Variants in MAD1L1 observed in about 807,000 individuals in gnomAD.
MAD1L1 encodes mitotic spindle assembly checkpoint protein MAD1.
MAD1L1 carries 95 observed loss-of-function variants against 96.9 expected under a neutral mutation model. The observed-to-expected ratio is 0.98, with a 90% CI of 0.83 to 1.16. MAD1L1 has a LOEUF of 1.16. Ranked by LOEUF, MAD1L1 falls within the 50% of genes most tolerant of loss-of-function variation. The pLI is 0.00. For missense variants in MAD1L1, 1,007 were observed against 954.4 expected, an observed-to-expected ratio of 1.06 and a Z score of -0.73; for synonymous variants, 473 against 396.6, an observed-to-expected ratio of 1.19 and a Z score of -2.29.
chr7:1,853,231 T>G (rs1251974184), intron 18 of MAD1L1, among the ~76,000 whole-genome samples: 2 of 152,186 alleles, frequency 1.3e-5, no homozygotes, highest in African/African-American at 4.8e-5. Flanking sequence ...CACTGCTGAC[T>G]GTGGGAACTT....
chr7:2,151,167 T>C (rs537448700), intron 10 of MAD1L1, among the ~76,000 whole-genome samples: 69 of 152,348 alleles, frequency 4.5e-4, no homozygotes, highest in African/African-American at 1.6e-3. Flanking sequence ...TCTGAAACAT[T>C]TGAATGAGAT....
chr7:2,155,165 G>A (rs530695573), intron 10 of MAD1L1, among the ~76,000 whole-genome samples: 2 of 152,300 alleles, frequency 1.3e-5, no homozygotes, highest in Admixed American at 6.5e-5. Context: ...ACGAGGCTAA[G>A]AGAGCGAGCA....
At chr7:1,953,366 G>A (rs889750452) in intron 16 of MAD1L1, among the ~76,000 whole-genome samples, 1 of 152,160 alleles carries the variant, frequency 6.6e-6, no homozygotes, top group African/African-American at 2.4e-5. Context: ...ATTGAGGTTG[G>A]CCCCGGCCAC....
Position 2,226,986 on chromosome 7 carries a change from CA to C in MAD1L1, c.151-1437del, listed in dbSNP as rs34846451. On this transcript the variant is annotated intron_variant, in intron 3 of 18. Transcript: ENST00000265854. ...TGGATGACAGGGCAAGAGTTCGTCT[CA>C]AAAAAAAAAAAACAAAAGAATCTAG... 2.8e-3 allele frequency among the ~76,000 whole-genome samples: 349 copies of C among 124,356 alleles called. 2 individuals carry two copies. The East Asian group carries it at 0.05, about 18-fold the overall frequency. 81.6% of individuals were successfully genotyped at this position (124,356 alleles called of 152,430 possible). A position where few individuals can be genotyped will look rare whatever the true frequency, so the allele number is the denominator to read the frequency against.
chr7:2,207,372 C>G (rs535492184), intron 10 of MAD1L1, among the ~76,000 whole-genome samples: 5 of 152,252 alleles, frequency 3.3e-5, no homozygotes, highest in African/African-American at 1.2e-4. Context: ...GGTGGTTATC[C>G]GAAACACCAA....
At chr7:1,924,766 G>A (rs1788999525) in intron 17 of MAD1L1, among the ~76,000 whole-genome samples, 1 of 152,106 alleles carries the variant, frequency 6.6e-6, no homozygotes, top group Non-Finnish European at 1.5e-5. Flanking sequence ...AATATTTCTT[G>A]GTGGGGTTTT....
intron 14 of MAD1L1, among the ~76,000 whole-genome samples, chr7:1,997,607 A>T (rs374128366): frequency 6.6e-6 from 1 of 152,270 alleles, no homozygotes; most frequent in African/African-American, 2.4e-5. Flanking sequence ...TTCAGACAGG[A>T]ACATGCACCT....
At chr7:2,075,948 C>G (rs1785352896) in intron 11 of MAD1L1, among the ~76,000 whole-genome samples, 2 of 152,236 alleles carry the variant, frequency 1.3e-5, no homozygotes, top group Non-Finnish European at 1.5e-5. Context: ...CCCCAGAAAC[C>G]ATGGGGCTCT....
At chr7:2,072,445 CA>C (rs1261708861) in intron 11 of MAD1L1, among the ~76,000 whole-genome samples, 1 of 152,176 alleles carries the variant, frequency 6.6e-6, no homozygotes, top group Non-Finnish European at 1.5e-5. Context: ...GCTCCATAAC[CA>C]AAAACGCAAG....
At chr7:2,155,536 C>T (rs963880900) in intron 10 of MAD1L1, among the ~76,000 whole-genome samples, 1 of 152,208 alleles carries the variant, frequency 6.6e-6, no homozygotes, top group Non-Finnish European at 1.5e-5. Context: ...TGCGACCACT[C>T]CAGCCACATG....
chr7:1,918,107 C>T (rs920687644), intron 17 of MAD1L1, among the ~76,000 whole-genome samples: 4 of 152,166 alleles, frequency 2.6e-5, no homozygotes, highest in Non-Finnish European at 5.9e-5. Context: ...CCCGGCTCAG[C>T]CTGCCCCGGA....
intron 11 of MAD1L1, among the ~76,000 whole-genome samples, chr7:2,073,815 G>A (rs890555335): frequency 1.1e-4 from 17 of 152,180 alleles, no homozygotes; most frequent in South Asian, 2.1e-4. Flanking sequence ...CATCATGAAC[G>A]GAGATGGGAG....
chr7:1,871,956 C>T (rs1785135454), intron 18 of MAD1L1, among the ~76,000 whole-genome samples: 1 of 152,158 alleles, frequency 6.6e-6, no homozygotes, highest in African/African-American at 2.4e-5. Flanking sequence ...GCCCACAGGA[C>T]AGAGAAAGCA....
At chr7:2,131,374 C>A (rs1788502875) in intron 11 of MAD1L1, among the ~76,000 whole-genome samples, 1 of 152,182 alleles carries the variant, frequency 6.6e-6, no homozygotes, top group African/African-American at 2.4e-5. Context: ...CAGTTCTATT[C>A]ATGGTGAGGA....
At chr7:1,822,442 A>ATATATATATATTT (rs768089526) in intron 18 of MAD1L1, among the ~76,000 whole-genome samples, 31 of 140,578 alleles carry the variant, frequency 2.2e-4, no homozygotes, top group South Asian at 4.5e-4. Context: ...ATATATATAT[A>ATATATATATATTT]TTTTTTTTTT....
chr7:1,844,909 G>C (rs1308348073), intron 18 of MAD1L1, among the ~76,000 whole-genome samples: 2 of 152,254 alleles, frequency 1.3e-5, no homozygotes, highest in African/African-American at 4.8e-5. Context: ...CCAGGACGGA[G>C]ACAGTATGCT....
chr7:1,975,588 C>T lies in MAD1L1; in HGVS notation c.1505+4865G>A, dbSNP rs145361533. On this transcript the variant is annotated intron_variant, in intron 15 of 18. Transcript: ENST00000265854. ...AGTTTCATGAGGGGACTTAGAGCAG[C>T]GGTGTTTAATGGAGATTTGTTGGAT... Among the ~76,000 whole-genome samples the T allele has an allele frequency of 3.3e-3, 504 of 152,298 alleles. 1 individual carries two copies. Among genetic ancestry groups the T allele is most frequent in the African/African-American group, 8.6e-3 (358 of 41,552 alleles).
intron 18 of MAD1L1, among the ~76,000 whole-genome samples, chr7:1,858,160 G>A (rs559013501): frequency 6.3e-4 from 96 of 152,304 alleles, no homozygotes; most frequent in African/African-American, 2.2e-3. Flanking sequence ...ACGGGCTCAG[G>A]CTGAGAGCAG....
intron 15 of MAD1L1, among the ~76,000 whole-genome samples, chr7:1,975,280 C>G (rs894401015): frequency 6.6e-6 from 1 of 152,348 alleles, no homozygotes; most frequent in Admixed American, 6.5e-5. Context: ...GGGGCCACGC[C>G]TTCCCACCTG....
Sources: allele counts gnomAD v4.1 joint callset (sites outside exome capture counted in the v4.1 genomes callset), GRCh38; gene constraint gnomAD v4.1.1; transcripts MANE v1.5; gene names NCBI Gene and HGNC (gene_info 2026-07-23, HGNC 2026-07-21).